RIF1: variants seen among roughly 807,000 people sequenced by gnomAD.
RIF1 encodes the protein replication timing regulatory factor 1, also known as telomere-associated protein RIF1.
Under a neutral mutation model 247.1 loss-of-function variants are expected in RIF1, and 45 were observed. The ratio of observed to expected loss-of-function variants is 0.18; its 90% CI spans 0.14 to 0.23. The LOEUF (loss-of-function observed/expected upper bound fraction) is 0.23, where lower values mean the gene tolerates loss of function less well. Ranked by LOEUF, RIF1 falls within the 10% of genes least tolerant of loss-of-function variation. RIF1 has a pLI of 1.00. For missense variants in RIF1, 2,967 were observed against 2,862.5 expected, an observed-to-expected ratio of 1.04 and a Z score of -0.83; for synonymous variants, 1,087 against 978.8, an observed-to-expected ratio of 1.11 and a Z score of -2.06.
Position 151,476,873 on chromosome 2 carries a change from T to C in RIF1, c.*1802T>C, listed in dbSNP as rs1336155693. On this transcript the variant is annotated 3_prime_UTR_variant, in exon 36 of 36. Transcript: ENST00000444746. ...TGTGTTTGGGGCAGAGGGGAGCAGA[T>C]TACTTTAACACACTTCAGAATTAAA... 6.6e-6 allele frequency: 1 copy of C among 152,170 alleles called. No individual in the cohort carries two copies. Among genetic ancestry groups the C allele is most frequent in the African/African-American group, 2.4e-5 (1 of 41,444 alleles). The allele number at this position is 152,170 out of a possible 1,614,324, so 9.4% of individuals were successfully genotyped here. A position where few individuals can be genotyped will look rare whatever the true frequency, so the allele number is the denominator to read the frequency against.
In RIF1 at chr2:151,440,126, T is replaced by G. The variant is rs756909299; in HGVS notation, c.1646T>G (p.Leu549Arg). 1.3e-6 allele frequency: 2 copies of G among 1,505,328 alleles called. No homozygotes were observed. The highest frequency in any genetic ancestry group is 1.8e-6 in the Non-Finnish European group (2 of 1,091,666). 93.2% of individuals were successfully genotyped at this position (1,505,328 alleles called of 1,614,324 possible). ...GAAGTATTTCCTGTATCAAAAACGC[T>G]GGTAAGTATAATACCCGTATGTTGG... ...KSEVFPVSKT[L>R]VLMEITIKGL... is the part of the protein sequence containing the mutation. The change falls in exon 15 of 36, where the codon CTG becomes CGG. Residue 549 changes from leucine (L) to arginine (R), a missense_variant and splice_region_variant. Around this residue, in one of 7 missense-constraint regions of RIF1, gnomAD observed 369 missense variants for 322.0 expected, o/e 1.15. Transcript: ENST00000444746.
the RIF1 span, among the ~76,000 whole-genome samples, chr2:151,520,302 T>G: frequency 6.6e-6 from 1 of 152,162 alleles, no homozygotes; most frequent in Admixed American, 6.6e-5. Context: ...GTATAACTCC[T>G]GAGTAAACAA....
chr2:151,483,695 C>T (rs568081092), downstream of RIF1, among the ~76,000 whole-genome samples: 126 of 152,304 alleles, frequency 8.3e-4, no homozygotes, highest in Middle Eastern at 3.4e-3. Flanking sequence ...CCCCAACCCA[C>T]GGGCTGTGGA....
chr2:151,417,135 T>C lies in RIF1; in HGVS notation c.503+234T>C, dbSNP rs377519229. 2.6e-5 allele frequency among the ~76,000 whole-genome samples: 4 copies of C among 152,318 alleles called. No homozygotes were observed. In the East Asian group the frequency reaches 5.8e-4, roughly 22 times the overall value. ...GTTCAAGGTGAAGTCTTGGTTATGTTCCTGCTAGTAACATACACAGTTCAG... is the reference window on the plus strand; with the variant it reads ...GTTCAAGGTGAAGTCTTGGTTATGTCCCTGCTAGTAACATACACAGTTCAG... On this transcript the variant is annotated intron_variant, in intron 6 of 35. Coordinates refer to ENST00000444746, the MANE Select transcript of RIF1 (RefSeq NM_018151.5).
chr2:151,416,897 G>T lies in RIF1; in HGVS notation c.499G>T (p.Val167Leu). The change falls in exon 6 of 36, where the codon GTA becomes TTA. Residue 167 changes from valine to leucine, a missense_variant. By Grantham distance (32) the Val-to-Leu change is conservative. Coordinates refer to ENST00000444746, the MANE Select transcript of RIF1 (RefSeq NM_018151.5). ...VVDFEALNVIVRLIEQAPIQM... is the reference protein window; with the variant it reads ...VVDFEALNVILRLIEQAPIQM... ...TGATTTTGAAGCATTAAATGTTATC[G>T]TAAGGTATGCATTTGGATGTTGTGC... The T allele has an allele frequency of 1.2e-6, 2 of 1,604,748 alleles. No individual in the cohort carries two copies. The highest frequency in any genetic ancestry group is 1.7e-6 in the Non-Finnish European group (2 of 1,172,602).
At chr2:151,427,600 C>G (rs1689341518) in intron 8 of RIF1, among the ~76,000 whole-genome samples, 1 of 149,158 alleles carries the variant, frequency 6.7e-6, no homozygotes, top group Non-Finnish European at 1.5e-5. Flanking sequence ...TTAAATCTTA[C>G]ATAATATTTG....
At chr2:151,451,902 A>G (rs1694376675) in intron 21 of RIF1, among the ~76,000 whole-genome samples, 197 bp downstream of exon 21, 1 of 152,054 alleles carries the variant, frequency 6.6e-6, no homozygotes, top group Non-Finnish European at 1.5e-5. Context: ...GCTCTGTATC[A>G]TTCTCTTATC....
the RIF1 span, among the ~76,000 whole-genome samples, chr2:151,521,936 G>GAT: frequency 6.6e-6 from 1 of 152,242 alleles, no homozygotes; most frequent in East Asian, 1.9e-4. Flanking sequence ...AGGACTCTAG[G>GAT]AATTCTTGGA....
At chr2:151,533,425 A>T in the RIF1 span, 2 of 1,511,394 alleles carry the variant, frequency 1.3e-6, no homozygotes, top group Admixed American at 2.0e-5. Context: ...CCTTCTTCAC[A>T]TCCCATCAGA....
intron 6 of RIF1, among the ~76,000 whole-genome samples, chr2:151,417,875 C>T (rs1687481990): frequency 6.6e-6 from 1 of 152,174 alleles, no homozygotes. Context: ...CATGGTACAA[C>T]CTGTTGCTCC....
At chr2:151,442,767 ATTTTT>A (rs59128582) in intron 16 of RIF1, among the ~76,000 whole-genome samples, 9,764 of 103,886 alleles carry the variant, frequency 0.094, 1,133 homozygotes, top group African/African-American at 0.31. Flanking sequence ...AAAGAGCTTG[ATTTTT>A]TTTTTTTTTT....
In RIF1 at chr2:151,466,093, A is replaced by G; in HGVS notation, c.6573A>G (p.Glu2191=). Residue 2191 remains glutamate (E), a synonymous_variant, in exon 30 of 36, where the codon GAA becomes GAG. Coordinates refer to ENST00000444746, the MANE Select transcript of RIF1 (RefSeq NM_018151.5). ...ILKRGLKRSQ[E]DEISSPVNKV... ...AGAGAGGACTAAAAAGATCCCAAGA[A>G]GATGAAATCTCATCACCTGTTAATA... The G allele has an allele frequency of 6.3e-7, 1 of 1,592,342 alleles. No individual in the cohort carries two copies. The highest frequency in any genetic ancestry group is 1.4e-5 in the African/African-American group (1 of 74,014).
Position 151,496,251 on chromosome 2 carries a change from G to GT in RIF1, c.*513+932dup, listed in dbSNP as rs772724327. 12 of 1,552,068 alleles carry GT rather than the reference G, an allele frequency of 7.7e-6. No homozygotes were observed. In the Admixed American group the frequency reaches 9.0e-5, roughly 12 times the overall value. ...AAGTAGTTTTTAAAATCAGTAAGTAGTTTTTTTCTTTTCTCGCCAAGTACC... is the reference window on the plus strand; with the variant it reads ...AAGTAGTTTTTAAAATCAGTAAGTAGTTTTTTTTCTTTTCTCGCCAAGTACC... On this transcript the variant is annotated intron_variant and NMD_transcript_variant, in intron 10 of 13. Transcript: ENST00000454583.
At chr2:151,431,359 G>A (rs1031419842) in intron 9 of RIF1, among the ~76,000 whole-genome samples, 7 of 152,142 alleles carry the variant, frequency 4.6e-5, no homozygotes, top group Non-Finnish European at 4.4e-5. Context: ...TGGCTCAGTG[G>A]CCGACTAGAA....
intron 25 of RIF1, 148 bp from the exon 26 acceptor site, chr2:151,459,852 C>A (rs921015148): frequency 1.5e-6 from 1 of 678,782 alleles, no homozygotes; most frequent in African/African-American, 1.9e-5. Context: ...AGTGGCTTTC[C>A]TTTCTTTGAT....
exon 14 of RIF1, chr2:151,507,793 C>T: frequency 1.9e-6 from 1 of 528,492 alleles, no homozygotes; most frequent in Admixed American, 3.1e-5. Context: ...CCAATACCAC[C>T]AACGAAGTAA....
the RIF1 span, among the ~76,000 whole-genome samples, chr2:151,518,146 G>C: frequency 6.6e-6 from 1 of 152,206 alleles, no homozygotes; most frequent in Non-Finnish European, 1.5e-5. Context: ...ACTATATGTA[G>C]ATGTTGTTGT....
the RIF1 span, chr2:151,527,502 C>G: frequency 6.2e-7 from 1 of 1,613,220 alleles, no homozygotes; most frequent in Admixed American, 1.7e-5. Context: ...GCAGGGATGA[C>G]TTGGCAGCCT....
chr2:151,475,946 T>C lies in RIF1; in HGVS notation c.*875T>C, dbSNP rs545199212. The C allele has an allele frequency of 6.5e-6, 1 of 152,736 alleles. No individual in the cohort carries two copies. Among genetic ancestry groups the C allele is most frequent in the African/African-American group, 2.4e-5 (1 of 41,578 alleles). The allele number at this position is 152,736 out of a possible 1,614,324, so 9.5% of individuals were successfully genotyped here. A position where few individuals can be genotyped will look rare whatever the true frequency, so the allele number is the denominator to read the frequency against. On this transcript the variant is annotated 3_prime_UTR_variant, in exon 36 of 36. Transcript: ENST00000444746. Reference sequence around the variant, plus strand: ...GTGCTTCATGGGCTTGCTGCACATATTTGTAGGATACTGTATCTGCAAATG... The same window carrying C: ...GTGCTTCATGGGCTTGCTGCACATACTTGTAGGATACTGTATCTGCAAATG...
Sources: allele counts gnomAD v4.1 joint callset (sites outside exome capture counted in the v4.1 genomes callset), GRCh38; gene constraint gnomAD v4.1.1; regional missense constraint gnomAD v4.1.1; transcripts MANE v1.5; gene names NCBI Gene and HGNC (gene_info 2026-07-23, HGNC 2026-07-21).